Variants in ENTHD1 observed in about 807,000 individuals in gnomAD.
ENTHD1 encodes the protein ENTH domain containing 1, also known as ENTH domain-containing protein 1.
In ENTHD1, 23 loss-of-function variants were observed where a neutral mutation model predicts 39.1. The ratio of observed to expected loss-of-function variants is 0.59; its 90% CI spans 0.42 to 0.83. The LOEUF is 0.83. Among genes scored for constraint, ENTHD1 ranks in the 40% least tolerant of loss-of-function variants. ENTHD1 has a pLI of 0.00. For missense variants in ENTHD1, 624 were observed against 705.4 expected (o/e 0.88, Z 1.31); for synonymous variants, 230 against 258.2 (o/e 0.89, Z 1.05).
chr22:39,791,794 T>C (rs183647712), intron 5 of ENTHD1, among the ~76,000 whole-genome samples: 10 of 152,304 alleles, frequency 6.6e-5, no homozygotes, highest in African/African-American at 2.4e-4. Flanking sequence ...AGCTTGTGAC[T>C]TGGGTTTGGT....
At chr22:39,779,609 A>G (rs2065392397) in intron 5 of ENTHD1, among the ~76,000 whole-genome samples, 1 of 152,160 alleles carries the variant, frequency 6.6e-6, no homozygotes, top group East Asian at 1.9e-4. Context: ...AATTAAGTAC[A>G]TGGACAAGCC....
intron 2 of ENTHD1, among the ~76,000 whole-genome samples, chr22:39,865,618 A>G (rs2066176049): frequency 6.6e-6 from 1 of 152,230 alleles, no homozygotes; most frequent in African/African-American, 2.4e-5. Flanking sequence ...TGGAAGTAGA[A>G]AACATGGATT....
intron 5 of ENTHD1, among the ~76,000 whole-genome samples, chr22:39,809,262 C>T (rs1026499299): frequency 5.9e-5 from 9 of 152,302 alleles, no homozygotes; most frequent in Admixed American, 3.3e-4. Flanking sequence ...GGCAGATTCA[C>T]TAGGATATCA....
At chr22:39,775,973 C>CTGCA (rs1291946579) in intron 5 of ENTHD1, among the ~76,000 whole-genome samples, 1 of 152,154 alleles carries the variant, frequency 6.6e-6, no homozygotes, top group Non-Finnish European at 1.5e-5. Context: ...TCATGGCTTA[C>CTGCA]TGCAGCCTGG....
chr22:39,877,582 C>T (rs1205883979), intron 2 of ENTHD1, among the ~76,000 whole-genome samples: 1 of 152,194 alleles, frequency 6.6e-6, no homozygotes, highest in Non-Finnish European at 1.5e-5. Flanking sequence ...GAGATAAAAA[C>T]TCCAGGGGAA....
At chr22:39,869,853 A>T (rs1252916287) in intron 2 of ENTHD1, among the ~76,000 whole-genome samples, 2 of 152,162 alleles carry the variant, frequency 1.3e-5, no homozygotes, top group African/African-American at 4.8e-5. Flanking sequence ...ACAGATGGAT[A>T]TGAAAAAAAT....
At chr22:39,846,042 A>G (rs1228799096) in intron 3 of ENTHD1, among the ~76,000 whole-genome samples, 1 of 152,188 alleles carries the variant, frequency 6.6e-6, no homozygotes, top group African/African-American at 2.4e-5. Flanking sequence ...CCAACTGATC[A>G]ACAAAGGTAC....
intron 5 of ENTHD1, among the ~76,000 whole-genome samples, chr22:39,807,611 C>T (rs1027252481): frequency 2.5e-4 from 38 of 151,288 alleles, no homozygotes; most frequent in African/African-American, 9.1e-4. Context: ...CCTCCCACCC[C>T]AGCCTCTCAC....
chr22:39,872,266 A>G (rs899211014), intron 2 of ENTHD1, among the ~76,000 whole-genome samples: 2 of 152,200 alleles, frequency 1.3e-5, no homozygotes, highest in Non-Finnish European at 2.9e-5. Context: ...GACATGGCTA[A>G]TCAACATCTA....
At chr22:39,861,635 A>G (rs748421761) in intron 3 of ENTHD1, 130 bp downstream of exon 3, 5 of 728,064 alleles carry the variant, frequency 6.9e-6, no homozygotes, top group African/African-American at 3.7e-5. Flanking sequence ...TTTCTATAGT[A>G]TGAAGCCTAA....
intron 5 of ENTHD1, among the ~76,000 whole-genome samples, chr22:39,779,115 G>A (rs1024567802): frequency 7.2e-5 from 11 of 152,032 alleles, no homozygotes; most frequent in East Asian, 1.9e-4. Context: ...TCAGGAGTTC[G>A]AGACCAGCCT....
chr22:39,748,385 C>T (rs759374576), intron 6 of ENTHD1, among the ~76,000 whole-genome samples: 12 of 151,624 alleles, frequency 7.9e-5, no homozygotes, highest in East Asian at 5.8e-4. Flanking sequence ...TAGGCCAAGA[C>T]GGAAATAATA....
rs1005305044 is a variant in ENTHD1 at position 39,785,169 on chromosome 22, C to T, written c.833-19560G>A. ...AATGATTAAAAAATACAGCACAGAGCTCAAAGAGATAGAAAATATGGAAGC... is the reference window on the plus strand; with the variant it reads ...AATGATTAAAAAATACAGCACAGAGTTCAAAGAGATAGAAAATATGGAAGC... On this transcript the variant is annotated intron_variant, in intron 5 of 6. Coordinates refer to ENST00000325157, the MANE Select transcript of ENTHD1 (RefSeq NM_152512.4). Among the ~76,000 whole-genome samples, 7 of 152,150 alleles carry T rather than the reference C, an allele frequency of 4.6e-5. No homozygotes were observed. In the East Asian group the frequency reaches 1.4e-3, roughly 29 times the overall value.
At chr22:39,773,826 T>C (rs1040159579) in intron 5 of ENTHD1, among the ~76,000 whole-genome samples, 1 of 152,188 alleles carries the variant, frequency 6.6e-6, no homozygotes, top group Non-Finnish European at 1.5e-5. Context: ...GCTTTAGGTT[T>C]AGAGGTATAA....
chr22:39,785,673 CT>C (rs1290619214), intron 5 of ENTHD1, among the ~76,000 whole-genome samples: 2 of 152,180 alleles, frequency 1.3e-5, no homozygotes, highest in South Asian at 2.1e-4. Context: ...GGCCCCTAAC[CT>C]CCCAGTCCCC....
chr22:39,869,637 T>TAAAAAAAAAAAAAAAAAAAA (rs75175740), intron 2 of ENTHD1, among the ~76,000 whole-genome samples: 1 of 119,570 alleles, frequency 8.4e-6, no homozygotes, highest in Non-Finnish European at 1.8e-5. Context: ...GTTAAAATTG[T>TAAAAAAAAAAAAAAAAAAAA]AAAAAAAAAA....
chr22:39,891,475 C>CT (rs58033623), intron 1 of ENTHD1, among the ~76,000 whole-genome samples: 5,051 of 142,616 alleles, frequency 0.035, 222 homozygotes, highest in African/African-American at 0.11. Context: ...ATTATAATCA[C>CT]TTTTTTTTTT....
chr22:39,759,095 A>G (rs1189739756), intron 6 of ENTHD1, among the ~76,000 whole-genome samples: 1 of 152,180 alleles, frequency 6.6e-6, no homozygotes, highest in Non-Finnish European at 1.5e-5. Context: ...TGTCTTTGTC[A>G]GATTTTGGCA....
In ENTHD1 at chr22:39,861,969, A is replaced by C; in HGVS notation, c.388T>G (p.Leu130Val). ...CACAGCAATGGTTCATCCATCAGCAATGTGATGACTTGCTTAGATTTTTCC... is the reference window on the plus strand; with the variant it reads ...CACAGCAATGGTTCATCCATCAGCACTGTGATGACTTGCTTAGATTTTTCC... The part of the protein sequence containing the change: ...IREKSKQVIT[L>V]LMDEPLLCKE... The change falls in exon 3 of 7, where the codon TTG (leucine) becomes GTG (valine). Residue 130 changes from leucine to valine, a missense_variant. Coordinates refer to ENST00000325157, the MANE Select transcript of ENTHD1 (RefSeq NM_152512.4). 5.2e-6 allele frequency: 8 copies of C among 1,548,930 alleles called. No individual in the cohort carries two copies. The highest frequency in any genetic ancestry group is 7.0e-6 in the Non-Finnish European group (8 of 1,137,662).
Sources: allele counts gnomAD v4.1 joint callset (sites outside exome capture counted in the v4.1 genomes callset), GRCh38; gene constraint gnomAD v4.1.1; transcripts MANE v1.5; gene names NCBI Gene and HGNC (gene_info 2026-07-23, HGNC 2026-07-21).